CNTNAP2: variants seen among roughly 807,000 people sequenced by gnomAD.
CNTNAP2 encodes the protein contactin associated protein 2.
A neutral mutation model predicts 155.2 loss-of-function variants in CNTNAP2; 98 were observed. The observed-to-expected ratio is 0.63, with a 90% CI of 0.54 to 0.75. The LOEUF (loss-of-function observed/expected upper bound fraction) is 0.75. Among genes scored for constraint, CNTNAP2 ranks in the 30% least tolerant of loss-of-function variants. The pLI, the probability that CNTNAP2 is intolerant of heterozygous loss-of-function variation, is 0.00. For missense variants in CNTNAP2, 1,727 were observed against 1,688.1 expected, an observed-to-expected ratio of 1.02 and a Z score of -0.40; for synonymous variants, 651 against 631.2, an observed-to-expected ratio of 1.03 and a Z score of -0.47.
chr7:147,384,296 A>T (rs149862745), intron 9 of CNTNAP2, among the ~76,000 whole-genome samples: 26 of 152,352 alleles, frequency 1.7e-4, no homozygotes, highest in Admixed American at 1.5e-3. Flanking sequence ...AAACTCATGT[A>T]TAATTTTCTT....
rs186035090 is a variant in CNTNAP2, at chr7:146,818,736, G to A, written c.209-20975G>A. Reference sequence around the variant, plus strand: ...CACTAAATGAAAACTTTTGTTACAAGTATTTTATGGGAATAATGACTAAGG... The same window carrying A: ...CACTAAATGAAAACTTTTGTTACAAATATTTTATGGGAATAATGACTAAGG... On this transcript the variant is annotated intron_variant, in intron 2 of 23. Transcript: ENST00000361727. Among the ~76,000 whole-genome samples, 42 of 152,132 alleles carry A rather than the reference G, an allele frequency of 2.8e-4. No homozygotes were observed. The East Asian group carries it at 5.2e-3, about 19-fold the overall frequency.
intron 1 of CNTNAP2, among the ~76,000 whole-genome samples, chr7:146,319,472 G>T (rs895521088): frequency 6.6e-6 from 1 of 151,900 alleles, no homozygotes; most frequent in Admixed American, 6.6e-5. Flanking sequence ...AGTAGACCGG[G>T]GTACAAATTG....
At chr7:148,155,311 A>T in intron 17 of CNTNAP2, among the ~76,000 whole-genome samples, 1 of 152,234 alleles carries the variant, frequency 6.6e-6, no homozygotes, top group East Asian at 1.9e-4. Flanking sequence ...GGCAAGGAAG[A>T]TCTTCATTCA....
At chr7:146,842,514 A>G (rs989460521) in intron 3 of CNTNAP2, among the ~76,000 whole-genome samples, 2 of 152,046 alleles carry the variant, frequency 1.3e-5, no homozygotes, top group Non-Finnish European at 2.9e-5. Flanking sequence ...AATACCTGAG[A>G]CTGGGTAATT....
intron 1 of CNTNAP2, among the ~76,000 whole-genome samples, chr7:146,410,813 C>T (rs1185592436): frequency 6.6e-6 from 1 of 152,184 alleles, no homozygotes; most frequent in Non-Finnish European, 1.5e-5. Flanking sequence ...CTAGCCTCTG[C>T]TTCTCTGAGT....
At chr7:147,124,038 A>T (rs753951961) in intron 6 of CNTNAP2, among the ~76,000 whole-genome samples, 1 of 152,122 alleles carries the variant, frequency 6.6e-6, no homozygotes, top group South Asian at 2.1e-4. Flanking sequence ...GTGAAATTCC[A>T]TCTCAAAAAC....
At chr7:148,390,407 C>CCTACT (rs1585333706) in intron 22 of CNTNAP2, among the ~76,000 whole-genome samples, 1 of 152,124 alleles carries the variant, frequency 6.6e-6, no homozygotes, top group Non-Finnish European at 1.5e-5. Flanking sequence ...TGGCTGCTAA[C>CCTACT]CTACTCTGAA....
intron 9 of CNTNAP2, among the ~76,000 whole-genome samples, chr7:147,324,037 AG>A (rs1370118062): frequency 9.2e-6 from 1 of 108,800 alleles, no homozygotes; most frequent in Non-Finnish European, 1.8e-5. Context: ...CAGAACTATT[AG>A]GAAAAAAAAA....
At chr7:147,934,148 C>G (rs769354994) in intron 14 of CNTNAP2, among the ~76,000 whole-genome samples, 1 of 152,174 alleles carries the variant, frequency 6.6e-6, no homozygotes, top group Non-Finnish European at 1.5e-5. Flanking sequence ...GTTAACAATA[C>G]TGTACACTTA....
chr7:146,889,946 C>T (rs1462159884), intron 3 of CNTNAP2, among the ~76,000 whole-genome samples: 2 of 152,074 alleles, frequency 1.3e-5, no homozygotes, highest in Non-Finnish European at 2.9e-5. Context: ...CATTTTCTTT[C>T]TCGTCCTCAT....
At chr7:146,162,241 G>T (rs1252604883) in intron 1 of CNTNAP2, among the ~76,000 whole-genome samples, 1 of 152,116 alleles carries the variant, frequency 6.6e-6, no homozygotes, top group East Asian at 1.9e-4. Context: ...CAGAATGGGA[G>T]AAAATTTATA....
At chr7:148,207,074 A>G (rs1041958333) in intron 18 of CNTNAP2, among the ~76,000 whole-genome samples, 2 of 152,208 alleles carry the variant, frequency 1.3e-5, no homozygotes, top group Non-Finnish European at 2.9e-5. Flanking sequence ...GGAAAAGTAT[A>G]TATCATGTTT....
chr7:146,862,757 G>A (rs1412823067), intron 3 of CNTNAP2, among the ~76,000 whole-genome samples: 3 of 152,162 alleles, frequency 2.0e-5, no homozygotes, highest in African/African-American at 7.2e-5. Flanking sequence ...ACATACATAT[G>A]CACTCATATT....
At chr7:147,662,129 G>A (rs1157116065) in intron 13 of CNTNAP2, among the ~76,000 whole-genome samples, 2 of 152,054 alleles carry the variant, frequency 1.3e-5, no homozygotes, top group Non-Finnish European at 2.9e-5. Context: ...ATAATACCAA[G>A]ATGGCACACA....
chr7:147,275,934 TTTAA>T (rs1804885576), intron 8 of CNTNAP2, among the ~76,000 whole-genome samples: 1 of 152,072 alleles, frequency 6.6e-6, no homozygotes, highest in South Asian at 2.1e-4. Flanking sequence ...TGGGTTTTTT[TTTAA>T]TTGTTTATGT....
chr7:146,989,638 G>A (rs780195005), intron 3 of CNTNAP2, among the ~76,000 whole-genome samples: 5 of 152,008 alleles, frequency 3.3e-5, no homozygotes, highest in Non-Finnish European at 5.9e-5. Context: ...ACCAATCTAG[G>A]TTAGGAGCTT....
intron 10 of CNTNAP2, among the ~76,000 whole-genome samples, chr7:147,418,125 T>C (rs1423498670): frequency 6.6e-6 from 1 of 152,222 alleles, no homozygotes; most frequent in African/African-American, 2.4e-5. Context: ...AGCATAGTTC[T>C]ATGGTACTTA....
chr7:148,001,002 A>AGAG (rs1344962756), intron 15 of CNTNAP2, among the ~76,000 whole-genome samples: 10 of 152,118 alleles, frequency 6.6e-5, no homozygotes, highest in African/African-American at 2.2e-4. Context: ...CTCCACAAGG[A>AGAG]TTTCATTGTG....
chr7:146,831,669 C>CAAAAA lies in CNTNAP2; in HGVS notation c.209-8017_209-8013dup, dbSNP rs531970313. Among the ~76,000 whole-genome samples the CAAAAA allele has an allele frequency of 4.8e-3, 81 of 16,792 alleles. 6 individuals are homozygous for CAAAAA. The highest frequency in any genetic ancestry group is 0.013 in the African/African-American group (76 of 5,706). The allele number at this position is 16,792 out of a possible 152,430, so 11.0% of individuals were successfully genotyped here. ...CCAGCCTGGCGACAGAGCAAGACGC[C>CAAAAA]AAAAAAAAAAAAAAAAAAAAAAAAA... is the stretch of plus-strand genomic sequence containing the variant. On this transcript the variant is annotated intron_variant, in intron 2 of 23. Coordinates refer to ENST00000361727, the MANE Select transcript of CNTNAP2 (RefSeq NM_014141.6).
Sources: gnomAD v4.1 joint callset for allele counts (sites outside exome capture counted in the v4.1 genomes callset) on GRCh38, gnomAD v4.1.1 for gene constraint, MANE v1.5 for transcripts, NCBI Gene and HGNC (gene_info 2026-07-23, HGNC 2026-07-21) for gene names.